PKP1: variants seen among roughly 807,000 people sequenced by gnomAD.
PKP1 encodes the protein plakophilin-1.
Under a neutral mutation model 76.4 loss-of-function variants are expected in PKP1, and 27 were observed. That is an observed-to-expected ratio of 0.35 (90% CI 0.26 to 0.49). PKP1 has a LOEUF of 0.49. Among genes scored for constraint, PKP1 ranks in the 20% least tolerant of loss-of-function variants. The pLI is 0.99. For missense variants in PKP1, 964 were observed against 955.2 expected (o/e 1.01, Z -0.12); for synonymous variants, 404 against 384.2 (o/e 1.05, Z -0.60).
chr1:201,308,991 A>G (rs766080345), intron 2 of PKP1, among the ~76,000 whole-genome samples: 3 of 152,120 alleles, frequency 2.0e-5, no homozygotes, highest in African/African-American at 7.2e-5. Context: ...ATGGAAGGAC[A>G]GGAGGATGCC....
At position 201,323,087 on chromosome 1, in the gene PKP1, T is replaced by A; in HGVS notation, c.1578T>A (p.Asp526Glu). ...GCAGCGGCTGGTTGTACCATTCAGATGCCATCCGCACCTACCTGAACCTCA... is the reference window on the plus strand; with the variant it reads ...GCAGCGGCTGGTTGTACCATTCAGAAGCCATCCGCACCTACCTGAACCTCA... ...PKGSGWLYHS[D>E]AIRTYLNLMG... The change falls in exon 9 of 14, where the codon GAT becomes GAA. Residue 526 changes from aspartate to glutamate, a missense_variant. Transcript: ENST00000367324. The A allele has an allele frequency of 6.2e-7, 1 of 1,614,134 alleles. No homozygotes were observed. Among genetic ancestry groups the A allele is most frequent in the South Asian group, 1.1e-5 (1 of 91,072 alleles).
At chr1:201,300,266 T>A (rs1184212653) in intron 2 of PKP1, among the ~76,000 whole-genome samples, 3 of 152,230 alleles carry the variant, frequency 2.0e-5, no homozygotes. Context: ...ACAGACAAAC[T>A]GCTGCCACTG....
At chr1:201,302,457 A>G (rs1274188183) in intron 2 of PKP1, among the ~76,000 whole-genome samples, 4 of 152,204 alleles carry the variant, frequency 2.6e-5, no homozygotes, top group Non-Finnish European at 4.4e-5. Context: ...ATCAAAATAC[A>G]GTCCTGGGGG....
At chr1:201,309,859 A>G (rs1054740310) in intron 2 of PKP1, among the ~76,000 whole-genome samples, 4 of 152,198 alleles carry the variant, frequency 2.6e-5, no homozygotes, top group African/African-American at 9.6e-5. Context: ...CAGCCTATAC[A>G]AAGAATTGTC....
intron 10 of PKP1, 113 bp downstream of exon 10, chr1:201,324,694 A>C (rs1245748264): frequency 1.4e-6 from 2 of 1,389,286 alleles, no homozygotes; most frequent in African/African-American, 2.9e-5. Context: ...CATTCCAAGA[A>C]AGGAAGCTGG....
chr1:201,289,752 G>A (rs956174024), intron 1 of PKP1, among the ~76,000 whole-genome samples: 1 of 151,820 alleles, frequency 6.6e-6, no homozygotes, highest in Admixed American at 6.6e-5. Flanking sequence ...ATTCCAAGGA[G>A]CCCACAAGCC....
intron 1 of PKP1, among the ~76,000 whole-genome samples, chr1:201,289,131 C>G (rs2102150332): frequency 6.6e-6 from 1 of 152,324 alleles, no homozygotes; most frequent in Non-Finnish European, 1.5e-5. Flanking sequence ...CCAGTCCTCC[C>G]TCCAGGAGCT....
At chr1:201,307,510 G>A (rs1043905051) in intron 2 of PKP1, among the ~76,000 whole-genome samples, 3 of 152,206 alleles carry the variant, frequency 2.0e-5, no homozygotes, top group African/African-American at 7.2e-5. Context: ...ACCGCCTGGA[G>A]CCCTGTGTGC....
Position 201,300,759 on chromosome 1 carries a change from G to A in PKP1, c.306+6714G>A, listed in dbSNP as rs373221360. ...CAGCAGCATGGGCTTGCAAAGGGAGGAGGACACGGTTCCAGTGAACAAATG... is the reference window on the plus strand; with the variant it reads ...CAGCAGCATGGGCTTGCAAAGGGAGAAGGACACGGTTCCAGTGAACAAATG... On this transcript the variant is annotated intron_variant, in intron 2 of 13. Coordinates refer to ENST00000367324, the MANE Select transcript of PKP1 (RefSeq NM_001005337.3). Among the ~76,000 whole-genome samples the A allele has an allele frequency of 1.7e-4, 26 of 152,310 alleles. No homozygotes were observed. The East Asian group carries it at 3.3e-3, about 19-fold the overall frequency.
chr1:201,321,697 A>G (rs117788091), intron 7 of PKP1, among the ~76,000 whole-genome samples: 1 of 152,206 alleles, frequency 6.6e-6, no homozygotes, highest in Non-Finnish European at 1.5e-5. Context: ...CAAATAGCCT[A>G]GTGAAATGGA....
chr1:201,287,977 G>A (rs1171908509), intron 1 of PKP1, among the ~76,000 whole-genome samples: 1 of 152,134 alleles, frequency 6.6e-6, no homozygotes, highest in African/African-American at 2.4e-5. Context: ...ATGCATATAT[G>A]CATGTATACA....
At chr1:201,323,322 T>G in intron 9 of PKP1, 133 bp downstream of exon 9, 1 of 822,244 alleles carries the variant, frequency 1.2e-6, no homozygotes, top group South Asian at 1.4e-5. Context: ...GCCTGGCATA[T>G]GCTGGGCTCT....
In PKP1 at chr1:201,324,977, C is replaced by T. The variant is rs1252488590; in HGVS notation, c.1871C>T (p.Thr624Ile). The T allele has an allele frequency of 1.9e-6, 3 of 1,613,750 alleles. No homozygotes were observed. The highest frequency in any genetic ancestry group is 1.3e-5 in the African/African-American group (1 of 74,940). Residue 624 changes from threonine to isoleucine, a missense_variant, in exon 11 of 14, where the codon ACC becomes ATC. Physicochemically the swap from Thr to Ile is moderately conservative, Grantham distance 89 (BLOSUM62 -1). Transcript: ENST00000367324. The stretch of plus-strand genomic sequence containing the variant: ...TTCCCGGAGGTGACCAGGCTCCTCA[C>T]CAGCCACACTGGCAATACCAGCAAC... The part of the protein sequence containing the change: ...QVFPEVTRLL[T>I]SHTGNTSNSE...
At chr1:201,306,884 G>A (rs1311496797) in intron 2 of PKP1, among the ~76,000 whole-genome samples, 2 of 152,012 alleles carry the variant, frequency 1.3e-5, no homozygotes, top group East Asian at 3.9e-4. Flanking sequence ...GGGTTTCATC[G>A]TGGTCTCGAT....
At chr1:201,292,827 G>A (rs982912762) in intron 1 of PKP1, among the ~76,000 whole-genome samples, 5 of 152,272 alleles carry the variant, frequency 3.3e-5, no homozygotes, top group Admixed American at 6.5e-5. Context: ...CACTTAACAA[G>A]AGTGTGGGCC....
intron 1 of PKP1, among the ~76,000 whole-genome samples, chr1:201,285,801 G>A (rs1655716051): frequency 6.6e-6 from 1 of 152,230 alleles, no homozygotes; most frequent in Non-Finnish European, 1.5e-5. Flanking sequence ...TCTTTGTGGG[G>A]AACTTCTATC....
At chr1:201,319,810 C>T (rs764226073) in intron 6 of PKP1, 4 of 1,613,844 alleles carry the variant, frequency 2.5e-6, no homozygotes, top group Non-Finnish European at 3.4e-6. Context: ...TCTTCCTGTC[C>T]CACAGAAAGA....
intron 5 of PKP1, among the ~76,000 whole-genome samples, chr1:201,318,110 G>T (rs1426713508): frequency 6.6e-6 from 1 of 152,174 alleles, no homozygotes; most frequent in Admixed American, 6.5e-5. Flanking sequence ...AGACTGAGGG[G>T]AGAAGGGGTT....
intron 4 of PKP1, 57 bp downstream of exon 4, chr1:201,316,754 G>C (rs1256831243): frequency 6.3e-7 from 1 of 1,594,400 alleles, no homozygotes; most frequent in African/African-American, 1.3e-5. Context: ...GGGTGTGTCA[G>C]CCTGACTCCG....
Sources: allele counts gnomAD v4.1 joint callset (sites outside exome capture counted in the v4.1 genomes callset), GRCh38; gene constraint gnomAD v4.1.1; transcripts MANE v1.5; gene names NCBI Gene and HGNC (gene_info 2026-07-23, HGNC 2026-07-21).